Variants in ZNF444 observed in about 807,000 individuals in gnomAD.
ZNF444 encodes the protein endothelial zinc finger protein 2.
ZNF444 carries 8 observed loss-of-function variants against 14.4 expected under a neutral mutation model. The observed-to-expected ratio is 0.56, with a 90% confidence interval of 0.33 to 1.00. ZNF444 has a LOEUF of 1.00. ZNF444 is among the 50% of genes least tolerant of loss of function. The pLI is 0.03. For missense variants in ZNF444, 510 were observed against 504.8 expected, an observed-to-expected ratio of 1.01 and a Z score of -0.10; for synonymous variants, 258 against 235.9, an observed-to-expected ratio of 1.09 and a Z score of -0.86.
intron 4 of ZNF444, 98 bp from the exon 5 acceptor site, chr19:56,159,526 C>T (rs1599910611): frequency 2.7e-6 from 3 of 1,101,654 alleles, no homozygotes; most frequent in Non-Finnish European, 3.7e-6. Flanking sequence ...CCAATGGTTT[C>T]TGCCTTTAAG....
At chr19:56,146,543 A>G (rs1292733281) in intron 2 of ZNF444, 123 bp downstream of exon 2, 1 of 178,190 alleles carries the variant, frequency 5.6e-6, no homozygotes. Context: ...AATTCCCAGC[A>G]CTTTGGGAGG....
chr19:56,139,719 A>AAG (rs900157699), upstream of ZNF444, among the ~76,000 whole-genome samples: 1 of 142,058 alleles, frequency 7.0e-6, no homozygotes, highest in Non-Finnish European at 1.5e-5. Flanking sequence ...AAAAACCAAA[A>AAG]AAAAAAAAAG....
chr19:56,136,007 A>C (rs2030601842), intron 1 of ZNF444, among the ~76,000 whole-genome samples: 1 of 144,628 alleles, frequency 6.9e-6, no homozygotes, highest in Non-Finnish European at 1.5e-5. Context: ...GCTTCAACCC[A>C]GGAGACAGAG....
At chr19:56,154,753 T>C (rs1016892978) in intron 3 of ZNF444, 1 of 151,830 alleles carries the variant, frequency 6.6e-6, no homozygotes, top group African/African-American at 2.4e-5. Flanking sequence ...ACGAGGATGC[T>C]TCATCCTTAG....
Position 56,159,655 on chromosome 19 carries a change from G to T in ZNF444, c.438G>T (p.Ala146=), listed in dbSNP as rs532036618. 1.4e-6 allele frequency: 2 copies of T among 1,466,016 alleles called. No individual in the cohort carries two copies. The highest frequency in any genetic ancestry group is 2.6e-5 in the South Asian group (2 of 75,656). The allele number at this position is 1,466,016 out of a possible 1,614,324, so 90.8% of individuals were successfully genotyped here. The change falls in exon 5 of 5, where the codon GCG becomes GCT. Residue 146 remains alanine (A), a synonymous_variant. Coordinates refer to ENST00000337080, the MANE Select transcript of ZNF444 (RefSeq NM_018337.4). The part of the protein sequence containing the change: ...AGTAPGAEGP[A]PGDSQAVRPY... Reference sequence around the variant, plus strand: ...CCGCCCCTGGGGCTGAGGGGCCGGCGCCTGGGGACTCCCAGGCTGTGCGCC... The same window carrying T: ...CCGCCCCTGGGGCTGAGGGGCCGGCTCCTGGGGACTCCCAGGCTGTGCGCC...
Position 56,147,147 on chromosome 19 carries a change from G to A in ZNF444, c.236G>A (p.Trp79Ter). The change falls in exon 3 of 5, where the codon TGG (tryptophan) becomes TAG (stop). Residue 79 changes from tryptophan (W) to a stop codon, truncating the protein, a stop_gained. Coordinates refer to ENST00000337080, the MANE Select transcript of ZNF444 (RefSeq NM_018337.4). LOFTEE classifies it high-confidence loss of function. This position sits in a 1 kb window ranked among gnomAD's most constrained non-coding sequence, Gnocchi z 5.9. ...LSALPADTQA[W>*]VCSRQPQSGE... ...GCGCTGCCCGCCGACACGCAGGCCT[G>A]GGTGTGCAGCCGGCAGCCGCAGAGC... The A allele has an allele frequency of 6.5e-7, 1 of 1,531,522 alleles. No homozygotes were observed. Among genetic ancestry groups the A allele is most frequent in the African/African-American group, 1.4e-5 (1 of 71,202 alleles). The allele number at this position is 1,531,522 out of a possible 1,614,324, so 94.9% of individuals were successfully genotyped here. A position where few individuals can be genotyped will look rare whatever the true frequency, so the allele number is the denominator to read the frequency against.
At chr19:56,139,060 C>T (rs2030678239), upstream of ZNF444, among the ~76,000 whole-genome samples, 1 of 152,004 alleles carries the variant, frequency 6.6e-6, no homozygotes, top group Non-Finnish European at 1.5e-5. Flanking sequence ...TCCCAAAGTG[C>T]TGGGATTACA....
chr19:56,136,766 G>C (rs993009768), upstream of ZNF444, among the ~76,000 whole-genome samples: 14 of 151,340 alleles, frequency 9.3e-5, no homozygotes, highest in African/African-American at 3.4e-4. Flanking sequence ...CTGAGGCAGA[G>C]ACCGAGAATC....
upstream of ZNF444, among the ~76,000 whole-genome samples, chr19:56,136,588 G>C (rs770518335): frequency 1.2e-4 from 18 of 152,098 alleles, no homozygotes; most frequent in Non-Finnish European, 2.4e-4. Flanking sequence ...GTAGCCTTCC[G>C]AGTGCTTTGC....
At chr19:56,150,639 G>C (rs757793397) in intron 3 of ZNF444, 42 of 456,158 alleles carry the variant, frequency 9.2e-5, no homozygotes, top group African/African-American at 1.6e-4. Context: ...ATGGTCTTAA[G>C]TCAGTGTTAT....
chr19:56,137,732 T>C (rs1194622173), upstream of ZNF444, among the ~76,000 whole-genome samples: 1 of 152,228 alleles, frequency 6.6e-6, no homozygotes, highest in Non-Finnish European at 1.5e-5. Context: ...GCTCTGGGTC[T>C]GAAGGCACAT....
chr19:56,138,752 G>A (rs892953298), upstream of ZNF444, among the ~76,000 whole-genome samples: 6 of 149,972 alleles, frequency 4.0e-5, no homozygotes, highest in Admixed American at 2.0e-4. Flanking sequence ...TGAAAAATTC[G>A]GGAAATGGAC....
At chr19:56,148,459 G>A (rs187799317) in intron 3 of ZNF444, among the ~76,000 whole-genome samples, 1 of 152,122 alleles carries the variant, frequency 6.6e-6, no homozygotes, top group East Asian at 1.9e-4. Flanking sequence ...GTGAGGCAAA[G>A]CGAGCAAAGC....
chr19:56,155,721 G>C (rs552040596), intron 3 of ZNF444: 2 of 152,302 alleles, frequency 1.3e-5, no homozygotes, highest in African/African-American at 4.8e-5. Flanking sequence ...GGGGGGATCT[G>C]TGGAAAAAAC....
upstream of ZNF444, among the ~76,000 whole-genome samples, chr19:56,138,701 G>A (rs2030666973): frequency 6.6e-6 from 1 of 152,028 alleles, no homozygotes; most frequent in Non-Finnish European, 1.5e-5. Context: ...GAGAGGAATG[G>A]GTGGTTCACA....
chr19:56,136,934 C>T (rs1337630679), upstream of ZNF444, among the ~76,000 whole-genome samples: 1 of 152,008 alleles, frequency 6.6e-6, no homozygotes, highest in Admixed American at 6.6e-5. Context: ...GGATGCACCA[C>T]TACACCCAGC....
Position 56,146,994 on chromosome 19 carries a change from TG to T in ZNF444, c.86del (p.Gly29AlafsTer41). ...TGGCACCGCTTCCGCCGCTTCCACC[TG>T]GGCGACGCGCCGGGCCCGCGGGAGG... ...SPWHRFRRFH[L>X]GDAPGPREAL... On this transcript the variant is annotated frameshift_variant, in exon 3 of 5. Coordinates refer to ENST00000337080, the MANE Select transcript of ZNF444 (RefSeq NM_018337.4). LOFTEE classifies it high-confidence loss of function. 6.9e-7 allele frequency: 1 copy of T among 1,442,380 alleles called. No individual in the cohort carries two copies. The allele number at this position is 1,442,380 out of a possible 1,614,324, so 89.3% of individuals were successfully genotyped here.
At chr19:56,156,759 C>G (rs1568562611) in intron 3 of ZNF444, 1 of 152,266 alleles carries the variant, frequency 6.6e-6, no homozygotes, top group Non-Finnish European at 1.5e-5. Flanking sequence ...ATCATAAAAT[C>G]ACAGGGAGGG....
chr19:56,133,320 A>G lies in ZNF444; in HGVS notation c.-197+542A>G, dbSNP rs2030533249. 2.0e-5 allele frequency among the ~76,000 whole-genome samples: 3 copies of G among 151,158 alleles called. No homozygotes were observed. The South Asian group carries it at 6.3e-4, about 32-fold the overall frequency. ...ACTCCTGACCTCAGGTGATCCACCC[A>G]CCTCAGCCTCCCAAAGTGCTGGGAT... On this transcript the variant is annotated intron_variant, in intron 1 of 2. Coordinates refer to the ZNF444 transcript ENST00000587467.
Sources: gnomAD v4.1 joint callset for allele counts (sites outside exome capture counted in the v4.1 genomes callset) on GRCh38, gnomAD v4.1.1 for gene constraint, Gnocchi (gnomAD v3.1) non-coding constraint, MANE v1.5 for transcripts, NCBI Gene and HGNC (gene_info 2026-07-23, HGNC 2026-07-21) for gene names.